TRPC4AP: variants seen among roughly 807,000 people sequenced by gnomAD.
TRPC4AP encodes the protein short transient receptor potential channel 4-associated protein.
A neutral mutation model predicts 99.0 loss-of-function variants in TRPC4AP; 45 were observed. The ratio of observed to expected loss-of-function variants is 0.45; its 90% CI spans 0.36 to 0.58. The LOEUF is 0.58. Among genes scored for constraint, TRPC4AP ranks in the 20% least tolerant of loss-of-function variants. TRPC4AP has a pLI of 0.00. For missense variants in TRPC4AP, 879 were observed against 985.3 expected (o/e 0.89, Z 1.44); for synonymous variants, 408 against 385.8 (o/e 1.06, Z -0.67).
intron 3 of TRPC4AP, among the ~76,000 whole-genome samples, chr20:35,065,754 C>T (rs1466037996): frequency 2.0e-5 from 3 of 152,056 alleles, no homozygotes; most frequent in Admixed American, 6.5e-5. Flanking sequence ...CAAAGATGTC[C>T]GAAGATGGGA....
At chr20:35,034,850 C>T (rs1202379602) in intron 8 of TRPC4AP, among the ~76,000 whole-genome samples, 4 of 152,146 alleles carry the variant, frequency 2.6e-5, no homozygotes, top group Non-Finnish European at 5.9e-5. Context: ...TAAGAATGCT[C>T]TGGTTACTGG....
At chr20:35,083,151 G>C (rs1263435926) in intron 1 of TRPC4AP, among the ~76,000 whole-genome samples, 1 of 152,052 alleles carries the variant, frequency 6.6e-6, no homozygotes, top group Non-Finnish European at 1.5e-5. Flanking sequence ...AACTATTACA[G>C]CAATATACAT....
intron 3 of TRPC4AP, among the ~76,000 whole-genome samples, chr20:35,061,472 G>C (rs2145973109): frequency 6.6e-6 from 1 of 152,276 alleles, no homozygotes; most frequent in African/African-American, 2.4e-5. Flanking sequence ...TGCAGAAATT[G>C]GCAAGCTGAT....
intron 10 of TRPC4AP, 93 bp from the exon 11 acceptor site, chr20:35,013,159 A>G (rs2082676356): frequency 1.7e-6 from 2 of 1,207,016 alleles, no homozygotes; most frequent in African/African-American, 3.0e-5. Flanking sequence ...TGCTTCTCTA[A>G]GCCTCTGTCC....
chr20:35,036,850 G>A (rs2147340854), intron 7 of TRPC4AP, among the ~76,000 whole-genome samples: 1 of 152,108 alleles, frequency 6.6e-6, no homozygotes, highest in East Asian at 1.9e-4. Context: ...GGAGGCTGAG[G>A]CATGAGAATT....
chr20:35,073,878 G>A (rs1179849251), intron 2 of TRPC4AP, among the ~76,000 whole-genome samples: 3 of 152,132 alleles, frequency 2.0e-5, no homozygotes, highest in Admixed American at 6.6e-5. Context: ...GGTAGAATTC[G>A]GCTGTGAATC....
At chr20:35,087,980 C>T (rs1423854067) in intron 1 of TRPC4AP, among the ~76,000 whole-genome samples, 1 of 152,088 alleles carries the variant, frequency 6.6e-6, no homozygotes, top group Non-Finnish European at 1.5e-5. Context: ...GTTTGAGATG[C>T]CCATTAGACA....
intron 1 of TRPC4AP, among the ~76,000 whole-genome samples, chr20:35,090,380 T>TTTTTTTTG (rs1374569241): frequency 7.4e-6 from 1 of 135,118 alleles, no homozygotes; most frequent in East Asian, 2.1e-4. Context: ...TGGTGAGCTT[T>TTTTTTTTG]TTTTTTTTTT....
rs753397027 is a variant in TRPC4AP, at chr20:35,035,165, C to A, written c.1009G>T (p.Ala337Ser). Residue 337 changes from alanine to serine, a missense_variant, in exon 8 of 19, where the codon GCC becomes TCC. Ala to Ser is a moderately conservative substitution (Grantham distance 99). This residue lies in a region of TRPC4AP where 603 missense variants were observed against 631.8 expected (regional missense o/e 0.95). Transcript: ENST00000252015. Reference protein sequence around the residue: ...TWLDNALVLDALMRVANEESE... With the variant: ...TWLDNALVLDSLMRVANEESE... ...TCCTCATTGGCCACTCGCATCAGGG[C>A]ATCTAGCACCAAAGCATTGTCTAGC... is the stretch of plus-strand genomic sequence containing the variant. 9.9e-6 allele frequency: 16 copies of A among 1,613,938 alleles called. No homozygotes were observed. The highest frequency in any genetic ancestry group is 2.2e-5 in the East Asian group (1 of 44,886).
chr20:35,016,218 G>A (rs2082751128), intron 9 of TRPC4AP, 79 bp from the exon 10 acceptor site: 14 of 1,532,050 alleles, frequency 9.1e-6, no homozygotes, highest in East Asian at 9.0e-5. Context: ...CAGTACACAC[G>A]ATAATGATAT....
chr20:35,004,833 C>A (rs1420482501), intron 16 of TRPC4AP, among the ~76,000 whole-genome samples: 1 of 152,248 alleles, frequency 6.6e-6, no homozygotes, highest in Non-Finnish European at 1.5e-5. Flanking sequence ...CAGCCCTCCC[C>A]AGACTGGCTC....
chr20:35,084,899 A>C (rs2084794876), intron 1 of TRPC4AP, among the ~76,000 whole-genome samples: 1 of 152,172 alleles, frequency 6.6e-6, no homozygotes, highest in Non-Finnish European at 1.5e-5. Context: ...GTAAATAATA[A>C]TGCTAACATC....
intron 1 of TRPC4AP, among the ~76,000 whole-genome samples, chr20:35,084,618 T>A (rs1171177641): frequency 8.2e-6 from 1 of 121,558 alleles, no homozygotes; most frequent in Non-Finnish European, 1.7e-5. Flanking sequence ...GTATATATGT[T>A]TATATGCATA....
chr20:35,054,503 T>C (rs372143964), intron 5 of TRPC4AP, among the ~76,000 whole-genome samples: 4 of 152,156 alleles, frequency 2.6e-5, no homozygotes, highest in Non-Finnish European at 4.4e-5. Context: ...CTAAGTGCCA[T>C]CCTCTTTTGT....
intron 1 of TRPC4AP, 111 bp downstream of exon 1, chr20:35,092,503 C>G: frequency 2.3e-6 from 3 of 1,298,580 alleles, no homozygotes; most frequent in Non-Finnish European, 3.0e-6. Flanking sequence ...TTCCGGCCAG[C>G]CAAAAGGGCT....
At chr20:35,063,229 G>A (rs1422147226) in intron 3 of TRPC4AP, among the ~76,000 whole-genome samples, 1 of 152,188 alleles carries the variant, frequency 6.6e-6, no homozygotes, top group African/African-American at 2.4e-5. Context: ...TGCCATGATT[G>A]TGAGTTTCCT....
chr20:35,039,883 G>A (rs1344490705), intron 7 of TRPC4AP, among the ~76,000 whole-genome samples: 11 of 150,908 alleles, frequency 7.3e-5, no homozygotes, highest in African/African-American at 2.4e-4. Context: ...AATGACTTAC[G>A]CTATCTTCCT....
chr20:35,026,305 C>A (rs987488277), intron 8 of TRPC4AP, among the ~76,000 whole-genome samples: 8 of 151,818 alleles, frequency 5.3e-5, no homozygotes, highest in African/African-American at 1.9e-4. Context: ...GCCTCAAACT[C>A]CTGGGCTCAA....
At chr20:35,048,141 T>C (rs1207761565) in intron 6 of TRPC4AP, among the ~76,000 whole-genome samples, 2 of 152,060 alleles carry the variant, frequency 1.3e-5, no homozygotes, top group Non-Finnish European at 2.9e-5. Flanking sequence ...GTCTGTGAAA[T>C]GCTTGTTCAT....
Sources: allele counts gnomAD v4.1 joint callset (sites outside exome capture counted in the v4.1 genomes callset), GRCh38; gene constraint gnomAD v4.1.1; regional missense constraint gnomAD v4.1.1; transcripts MANE v1.5; gene names NCBI Gene and HGNC (gene_info 2026-07-23, HGNC 2026-07-21).